The following SLCO3A1 variants were observed in gnomAD, a reference collection of about 807,000 sequenced individuals.
SLCO3A1 encodes the protein PGE1 transporter.
In SLCO3A1, 27 loss-of-function variants were observed where a neutral mutation model predicts 63.1. The observed-to-expected ratio is 0.43, with a 90% CI of 0.32 to 0.59. The LOEUF (loss-of-function observed/expected upper bound fraction) is 0.59. SLCO3A1 is among the 20% of genes least tolerant of loss of function. SLCO3A1 has a pLI of 0.09. For missense variants in SLCO3A1, 773 were observed against 945.8 expected, an observed-to-expected ratio of 0.82 and a Z score of 2.40; for synonymous variants, 473 against 409.9, an observed-to-expected ratio of 1.15 and a Z score of -1.86.
chr15:92,135,708 C>A lies in SLCO3A1; in HGVS notation c.1512+7219C>A, dbSNP rs1173173013. Among the ~76,000 whole-genome samples, 5 of 152,174 alleles carry A rather than the reference C, an allele frequency of 3.3e-5. No individual in the cohort carries two copies. The East Asian group carries it at 9.6e-4, about 29-fold the overall frequency. On this transcript the variant is annotated intron_variant, in intron 7 of 9. Coordinates refer to ENST00000318445, the MANE Select transcript of SLCO3A1 (RefSeq NM_013272.4). ...GTCTGGGACTCAGAGAAGTATGTTG[C>A]CATTCAAAGGAAAACACCCCACTTT...
chr15:92,163,376 C>T lies in SLCO3A1; in HGVS notation c.*241C>T, dbSNP rs1449332370. 1 of 1,145,676 alleles carries T rather than the reference C, an allele frequency of 8.7e-7. No individual in the cohort carries two copies. The highest frequency in any genetic ancestry group is 4.1e-5 in the South Asian group (1 of 24,164). The allele number at this position is 1,145,676 out of a possible 1,614,324, so 71.0% of individuals were successfully genotyped here. On this transcript the variant is annotated 3_prime_UTR_variant, in exon 10 of 10. Coordinates refer to ENST00000318445, the MANE Select transcript of SLCO3A1 (RefSeq NM_013272.4). ...CCTGGAGGCCACTTGCGCGGCTGGG[C>T]CACAGAGTCTACTTTGAAGGCACCT...
chr15:92,044,062 G>A (rs527414341), intron 2 of SLCO3A1, among the ~76,000 whole-genome samples: 19 of 152,238 alleles, frequency 1.2e-4, no homozygotes, highest in South Asian at 8.3e-4. Flanking sequence ...TACTCTTGCC[G>A]TAACTGTATC....
chr15:92,155,048 G>T (rs2048354435), intron 9 of SLCO3A1: 1 of 152,224 alleles, frequency 6.6e-6, no homozygotes, highest in Non-Finnish European at 1.5e-5. Context: ...TTAATGAAAG[G>T]CTCACATGGA....
At chr15:91,947,825 A>G (rs1245565611) in intron 2 of SLCO3A1, among the ~76,000 whole-genome samples, 1 of 152,152 alleles carries the variant, frequency 6.6e-6, no homozygotes, top group African/African-American at 2.4e-5. Flanking sequence ...CCTAGCAGCC[A>G]GGTGACTTTG....
intron 4 of SLCO3A1, among the ~76,000 whole-genome samples, chr15:92,105,483 C>T (rs985251886): frequency 6.6e-6 from 1 of 152,136 alleles, no homozygotes; most frequent in Non-Finnish European, 1.5e-5. Flanking sequence ...TGGTGAAGCA[C>T]AAACAATGAT....
In SLCO3A1 at chr15:92,030,188, G is replaced by A. The variant is rs117766621; in HGVS notation, c.647-64693G>A. On this transcript the variant is annotated intron_variant, in intron 2 of 9. Transcript: ENST00000318445. ...TTTTATCCCACAAAATGCCCCAAAG[G>A]GTTAGTTGGTTTTCAAAAGCTACGT... 9.7e-3 allele frequency among the ~76,000 whole-genome samples: 1,471 copies of A among 152,232 alleles called. 14 individuals carry two copies. Among genetic ancestry groups the A allele is most frequent in the South Asian group, 0.02 (96 of 4,824 alleles).
chr15:92,097,309 C>A (rs1022053141), intron 3 of SLCO3A1, among the ~76,000 whole-genome samples: 2 of 152,228 alleles, frequency 1.3e-5, no homozygotes, highest in Non-Finnish European at 2.9e-5. Context: ...ATCTCCTGAG[C>A]CTGCCTGTGG....
chr15:92,039,292 A>G (rs934876989), intron 2 of SLCO3A1, among the ~76,000 whole-genome samples: 1 of 152,170 alleles, frequency 6.6e-6, no homozygotes, highest in Non-Finnish European at 1.5e-5. Flanking sequence ...AAACAGGGAG[A>G]CTATAGAATG....
rs1247739605 is a variant in SLCO3A1 at position 91,974,270 on chromosome 15, T to TATTATTATTATG, written c.646+57823_646+57824insGATTATTATTAT. ...CGGACACCATTTTCATTATTGTTAT[T>TATTATTATTATG]ATTATTATTATTATTATTATTATTA... On this transcript the variant is annotated intron_variant, in intron 2 of 9. Transcript: ENST00000318445. Among the ~76,000 whole-genome samples the TATTATTATTATG allele has an allele frequency of 2.4e-3, 348 of 148,070 alleles. 2 individuals are homozygous for TATTATTATTATG. The highest frequency in any genetic ancestry group is 6.3e-3 in the Admixed American group (93 of 14,774).
downstream of SLCO3A1, among the ~76,000 whole-genome samples, chr15:92,166,558 C>T (rs2048494654): frequency 6.6e-6 from 1 of 152,166 alleles, no homozygotes; most frequent in Non-Finnish European, 1.5e-5. Context: ...AGCTTCCCCT[C>T]ACTCACACTA....
At chr15:91,892,498 G>C (rs1897895737) in intron 1 of SLCO3A1, among the ~76,000 whole-genome samples, 1 of 152,158 alleles carries the variant, frequency 6.6e-6, no homozygotes, top group Non-Finnish European at 1.5e-5. Context: ...GGCTCCAGAG[G>C]AATTTCCCAG....
intron 2 of SLCO3A1, among the ~76,000 whole-genome samples, chr15:92,029,843 C>T (rs1421062606): frequency 2.5e-5 from 3 of 118,558 alleles, no homozygotes; most frequent in Non-Finnish European, 5.2e-5. Flanking sequence ...TCTTCCGTCT[C>T]ACGTTATGAG....
At chr15:92,131,084 G>T (rs747416928) in intron 7 of SLCO3A1, among the ~76,000 whole-genome samples, 64 of 151,962 alleles carry the variant, frequency 4.2e-4, no homozygotes, top group Admixed American at 1.2e-3. Flanking sequence ...TGGGAAATAG[G>T]TGTTCTTCTT....
At chr15:92,168,634 A>C (rs2048505973), downstream of SLCO3A1, among the ~76,000 whole-genome samples, 1 of 152,188 alleles carries the variant, frequency 6.6e-6, no homozygotes, top group Non-Finnish European at 1.5e-5. Flanking sequence ...CCCAGCACCT[A>C]AGACTGCTGT....
chr15:91,873,479 T>G (rs1397215770), intron 1 of SLCO3A1, among the ~76,000 whole-genome samples: 1 of 151,816 alleles, frequency 6.6e-6, no homozygotes, highest in African/African-American at 2.4e-5. Context: ...CACCTAGGAC[T>G]GACTAGTTGT....
intron 2 of SLCO3A1, among the ~76,000 whole-genome samples, chr15:92,051,210 T>A (rs921657764): frequency 2.0e-5 from 3 of 152,188 alleles, no homozygotes; most frequent in Non-Finnish European, 4.4e-5. Flanking sequence ...AGGGCAGTGG[T>A]AACATTTGAG....
At chr15:91,869,781 G>A (rs1897247393) in intron 1 of SLCO3A1, among the ~76,000 whole-genome samples, 1 of 152,078 alleles carries the variant, frequency 6.6e-6, no homozygotes, top group Non-Finnish European at 1.5e-5. Context: ...CTTGGGGGTT[G>A]TGTGGAAAAA....
intron 2 of SLCO3A1, among the ~76,000 whole-genome samples, chr15:91,952,273 CT>C (rs2151412469): frequency 6.6e-6 from 1 of 152,332 alleles, no homozygotes; most frequent in African/African-American, 2.4e-5. Context: ...TAGGCCAGAT[CT>C]GTCATTTGCA....
chr15:91,894,185 T>A lies in SLCO3A1; in HGVS notation c.181-21808T>A, dbSNP rs963565090. 2.0e-5 allele frequency among the ~76,000 whole-genome samples: 3 copies of A among 151,864 alleles called. No individual in the cohort carries two copies. The highest frequency in any genetic ancestry group is 4.4e-5 in the Non-Finnish European group (3 of 67,976). ...CAGAACAGCAAGGCAACTGGTGTGG[T>A]TTGAATGGTAAACATATGGGATGGT... On this transcript the variant is annotated intron_variant, in intron 1 of 9. Coordinates refer to ENST00000318445, the MANE Select transcript of SLCO3A1 (RefSeq NM_013272.4). This position sits in a 1 kb window ranked among gnomAD's most constrained non-coding sequence, Gnocchi z 4.8.
Sources: gnomAD v4.1 joint callset for allele counts (sites outside exome capture counted in the v4.1 genomes callset) on GRCh38, gnomAD v4.1.1 for gene constraint, Gnocchi (gnomAD v3.1) non-coding constraint, MANE v1.5 for transcripts, NCBI Gene and HGNC (gene_info 2026-07-23, HGNC 2026-07-21) for gene names.